The following EEIG1 variants were observed in gnomAD, a reference collection of about 807,000 sequenced individuals.
EEIG1 encodes early estrogen-induced gene 1 protein.
At chr9:127,953,494 A>G in the EEIG1 span, 3 of 1,308,084 alleles carry the variant, frequency 2.3e-6, no homozygotes, top group Non-Finnish European at 3.3e-6. Context: ...TGTGGCAGAA[A>G]AGGGGCTGGA....
chr9:127,947,553 C>T, the EEIG1 span, among the ~76,000 whole-genome samples: 1 of 152,178 alleles, frequency 6.6e-6, no homozygotes, highest in African/African-American at 2.4e-5. Flanking sequence ...TTACCAATCC[C>T]ATTTTCCAAA....
At chr9:127,976,242 GC>G in the EEIG1 span, among the ~76,000 whole-genome samples, 2 of 152,194 alleles carry the variant, frequency 1.3e-5, no homozygotes, top group African/African-American at 2.4e-5. This position sits in a 1 kb window ranked among gnomAD's most constrained non-coding sequence, Gnocchi z 4.1. Context: ...TCCCATCTCT[GC>G]AATTTCAAGC....
the EEIG1 span, among the ~76,000 whole-genome samples, chr9:127,961,637 TG>T: frequency 6.6e-6 from 1 of 152,140 alleles, no homozygotes; most frequent in Non-Finnish European, 1.5e-5. Flanking sequence ...CCAGCTAGCC[TG>T]GGGTGCAACA....
chr9:127,952,218 G>A, the EEIG1 span, among the ~76,000 whole-genome samples: 1 of 152,230 alleles, frequency 6.6e-6, no homozygotes, highest in Non-Finnish European at 1.5e-5. Flanking sequence ...TGCTTCTGGA[G>A]AGGGACGTCA....
At chr9:127,943,552 G>C in the EEIG1 span, 1 of 391,594 alleles carries the variant, frequency 2.6e-6, no homozygotes. Flanking sequence ...GGCTCAGAGG[G>C]ATGTGAGGGT....
At chr9:127,968,993 G>A in the EEIG1 span, among the ~76,000 whole-genome samples, 1 of 152,202 alleles carries the variant, frequency 6.6e-6, no homozygotes, top group African/African-American at 2.4e-5. Context: ...CTACACGTCA[G>A]GCCTGTGCTA....
At chr9:127,954,065 G>T in the EEIG1 span, 1 of 960,046 alleles carries the variant, frequency 1.0e-6, no homozygotes, top group Non-Finnish European at 1.6e-6. Context: ...CAAAATAGCT[G>T]TGTTTTCACC....
At chr9:127,950,431 T>A in the EEIG1 span, 1 of 1,613,644 alleles carries the variant, frequency 6.2e-7, no homozygotes, top group Non-Finnish European at 8.5e-7. Flanking sequence ...ACCTTAAGGA[T>A]GGAGTTGTCC....
chr9:127,980,801 C>G, the EEIG1 span, among the ~76,000 whole-genome samples: 2 of 149,670 alleles, frequency 1.3e-5, no homozygotes, highest in Non-Finnish European at 3.0e-5. Flanking sequence ...CGGGCCGGCC[C>G]CGGGCAGCGG....
the EEIG1 span, among the ~76,000 whole-genome samples, chr9:127,957,630 G>A: frequency 5.3e-5 from 8 of 152,182 alleles, no homozygotes; most frequent in African/African-American, 1.9e-4. Context: ...GGAAATCCAA[G>A]GGACCAGAAT....
chr9:127,948,105 C>T, the EEIG1 span: 1 of 1,612,812 alleles, frequency 6.2e-7, no homozygotes, highest in African/African-American at 1.3e-5. Context: ...CCTTGGGGGG[C>T]CGGGACCCAG....
chr9:127,958,991 C>T, the EEIG1 span, among the ~76,000 whole-genome samples: 1 of 152,224 alleles, frequency 6.6e-6, no homozygotes, highest in African/African-American at 2.4e-5. Context: ...TTCACACCCA[C>T]TAGGATGGCT....
At chr9:127,950,768 G>A in the EEIG1 span, 2 of 1,300,276 alleles carry the variant, frequency 1.5e-6, no homozygotes, top group African/African-American at 1.5e-5. Flanking sequence ...GCTGCACAAA[G>A]CACCCTTTGT....
the EEIG1 span, among the ~76,000 whole-genome samples, chr9:127,960,256 G>A: frequency 5.4e-3 from 825 of 152,286 alleles, 4 homozygotes; most frequent in African/African-American, 0.019. Context: ...CAGAGGCCCT[G>A]AGGCAGAAAC....
At chr9:127,979,747 T>C in the EEIG1 span, among the ~76,000 whole-genome samples, 48 of 152,328 alleles carry the variant, frequency 3.2e-4, no homozygotes, top group Non-Finnish European at 4.7e-4. Flanking sequence ...ATGGACCTAC[T>C]GCAGGCGGCA....
At chr9:127,944,945 C>T in the EEIG1 span, 1 of 1,590,684 alleles carries the variant, frequency 6.3e-7, no homozygotes, top group Non-Finnish European at 8.6e-7. Context: ...AGGGCAGTAA[C>T]AGGTACAAGC....
chr9:127,953,533 C>A, the EEIG1 span: 3 of 1,596,682 alleles, frequency 1.9e-6, no homozygotes, highest in Admixed American at 3.3e-5. Flanking sequence ...CCCATGCCAC[C>A]CCCCATTCCA....
At chr9:127,957,897 C>T in the EEIG1 span, among the ~76,000 whole-genome samples, 1 of 152,198 alleles carries the variant, frequency 6.6e-6, no homozygotes, top group South Asian at 2.1e-4. Context: ...CCTGTGATCC[C>T]AGCTACTTGG....
chr9:127,945,291 T>C, the EEIG1 span: 15 of 1,188,268 alleles, frequency 1.3e-5, no homozygotes, highest in Admixed American at 2.4e-4. This position sits in a 1 kb window ranked among gnomAD's most constrained non-coding sequence, Gnocchi z 6.5. Flanking sequence ...CCCTGTGTTA[T>C]AGGTAAAGAA....
Sources: allele counts gnomAD v4.1 joint callset (sites outside exome capture counted in the v4.1 genomes callset), GRCh38; gene constraint gnomAD v4.1.1; non-coding constraint Gnocchi (gnomAD v3.1); transcripts MANE v1.5; gene names NCBI Gene and HGNC (gene_info 2026-07-23, HGNC 2026-07-21).